CNTNAP2: variants seen among roughly 807,000 people sequenced by gnomAD.
CNTNAP2 encodes contactin associated protein 2.
CNTNAP2 carries 98 observed loss-of-function variants against 155.2 expected under a neutral mutation model. That is an observed-to-expected ratio of 0.63 (90% CI 0.54 to 0.75). CNTNAP2 has a LOEUF of 0.75. CNTNAP2 is among the 30% of genes least tolerant of loss of function. The pLI is 0.00. For synonymous variants in CNTNAP2, 651 were observed against 631.2 expected, an observed-to-expected ratio of 1.03 and a Z score of -0.47; for missense variants, 1,727 against 1,688.1, an observed-to-expected ratio of 1.02 and a Z score of -0.40.
At chr7:146,609,288 C>A (rs537142382) in intron 1 of CNTNAP2, among the ~76,000 whole-genome samples, 1 of 152,270 alleles carries the variant, frequency 6.6e-6, no homozygotes, top group Non-Finnish European at 1.5e-5. Context: ...TTTGCACCCA[C>A]CCCATAGCTG....
At chr7:148,078,576 G>A (rs1370605451) in intron 15 of CNTNAP2, among the ~76,000 whole-genome samples, 1 of 152,022 alleles carries the variant, frequency 6.6e-6, no homozygotes, top group East Asian at 1.9e-4. Flanking sequence ...CACCTCCCAG[G>A]TTCAAACGAT....
chr7:147,921,370 G>C (rs1015219386), intron 14 of CNTNAP2, among the ~76,000 whole-genome samples: 1 of 152,084 alleles, frequency 6.6e-6, no homozygotes, highest in Non-Finnish European at 1.5e-5. Flanking sequence ...TTTATAGCTA[G>C]GACAGTGCCT....
intron 10 of CNTNAP2, among the ~76,000 whole-genome samples, chr7:147,451,608 G>T (rs1363559736): frequency 6.6e-6 from 1 of 152,014 alleles, no homozygotes; most frequent in Non-Finnish European, 1.5e-5. Flanking sequence ...CTGGACCCAG[G>T]ATTGAAACCT....
chr7:147,597,835 A>G (rs970090378), intron 12 of CNTNAP2, among the ~76,000 whole-genome samples: 1 of 152,192 alleles, frequency 6.6e-6, no homozygotes, highest in Non-Finnish European at 1.5e-5. Context: ...ATCCAATCAT[A>G]TGATCATTTG....
chr7:146,999,031 G>A (rs1206671486), intron 3 of CNTNAP2, among the ~76,000 whole-genome samples: 3 of 151,440 alleles, frequency 2.0e-5, no homozygotes, highest in South Asian at 4.2e-4. Context: ...TTTGTTACTT[G>A]TTTTCTAGTT....
chr7:147,955,238 T>C (rs912798090), intron 14 of CNTNAP2, among the ~76,000 whole-genome samples: 1 of 152,234 alleles, frequency 6.6e-6, no homozygotes, highest in African/African-American at 2.4e-5. Context: ...CTTTTATTTT[T>C]ATGAGTTTTA....
chr7:147,183,634 A>T (rs75345402), intron 8 of CNTNAP2, among the ~76,000 whole-genome samples: 1 of 152,198 alleles, frequency 6.6e-6, no homozygotes, highest in Non-Finnish European at 1.5e-5. Flanking sequence ...GTGTGAAAGC[A>T]CTAATCCCCT....
intron 1 of CNTNAP2, among the ~76,000 whole-genome samples, chr7:146,679,850 C>T (rs1328210141): frequency 6.6e-6 from 1 of 152,072 alleles, no homozygotes; most frequent in East Asian, 1.9e-4. Flanking sequence ...AATCTTTATA[C>T]TTATTTATAT....
At chr7:147,038,777 C>T (rs866547953) in intron 3 of CNTNAP2, among the ~76,000 whole-genome samples, 2 of 152,172 alleles carry the variant, frequency 1.3e-5, no homozygotes, top group Non-Finnish European at 2.9e-5. Flanking sequence ...TGGTCTTCTA[C>T]TATCTTCTTG....
At chr7:146,725,846 C>T (rs902480037) in intron 1 of CNTNAP2, among the ~76,000 whole-genome samples, 29 of 152,248 alleles carry the variant, frequency 1.9e-4, no homozygotes, top group African/African-American at 5.8e-4. Context: ...CTTTCTTCCA[C>T]CAAATTATCC....
intron 1 of CNTNAP2, among the ~76,000 whole-genome samples, chr7:146,676,178 TATAC>T (rs1373330901): frequency 6.6e-6 from 1 of 152,212 alleles, no homozygotes; most frequent in Non-Finnish European, 1.5e-5. Context: ...TTGTTTATGA[TATAC>T]ATGTTTTTCA....
rs114902931 is a variant in CNTNAP2, at chr7:146,379,394, C to T, written c.97+262421C>T. The stretch of plus-strand genomic sequence containing the variant: ...CATTCTCACCCTAAAGGTGCATCTG[C>T]GGTCAAATTCCAATTCCAGAGATAA... On this transcript the variant is annotated intron_variant, in intron 1 of 23. Coordinates refer to ENST00000361727, the MANE Select transcript of CNTNAP2 (RefSeq NM_014141.6). 6.9e-3 allele frequency among the ~76,000 whole-genome samples: 1,057 copies of T among 152,216 alleles called. 10 individuals carry two copies. Among genetic ancestry groups the T allele is most frequent in the African/African-American group, 0.024 (977 of 41,524 alleles).
At chr7:146,749,484 GT>G (rs1209544146) in intron 1 of CNTNAP2, among the ~76,000 whole-genome samples, 1 of 151,980 alleles carries the variant, frequency 6.6e-6, no homozygotes, top group Non-Finnish European at 1.5e-5. Context: ...TTATCTTTTT[GT>G]TAATCATCAG....
chr7:146,781,178 A>G (rs1014596261), intron 2 of CNTNAP2, among the ~76,000 whole-genome samples: 4 of 151,122 alleles, frequency 2.6e-5, no homozygotes, highest in African/African-American at 9.7e-5. Flanking sequence ...CACTGAGCCC[A>G]GATCGCGCCA....
intron 8 of CNTNAP2, among the ~76,000 whole-genome samples, chr7:147,263,454 T>G (rs1373399556): frequency 6.6e-6 from 1 of 152,172 alleles, no homozygotes; most frequent in East Asian, 1.9e-4. Context: ...TATTTTAAAT[T>G]TAAAAAGTTA....
At chr7:147,396,060 C>T (rs1194044069) in intron 10 of CNTNAP2, among the ~76,000 whole-genome samples, 1 of 146,058 alleles carries the variant, frequency 6.8e-6, no homozygotes, top group Non-Finnish European at 1.5e-5. Flanking sequence ...TGAGATATAT[C>T]ATATATAACA....
chr7:148,244,259 C>T (rs913845102), intron 20 of CNTNAP2, among the ~76,000 whole-genome samples: 2 of 152,174 alleles, frequency 1.3e-5, no homozygotes, highest in African/African-American at 4.8e-5. Flanking sequence ...TATGTTGGCA[C>T]AGAGACAAGC....
intron 13 of CNTNAP2, among the ~76,000 whole-genome samples, chr7:147,691,810 C>T (rs968409001): frequency 2.0e-5 from 3 of 152,140 alleles, no homozygotes; most frequent in Middle Eastern, 3.2e-3. Context: ...CTACTATCAA[C>T]ATCCCACACC....
chr7:146,683,021 A>G (rs1415584810), intron 1 of CNTNAP2, among the ~76,000 whole-genome samples: 1 of 151,942 alleles, frequency 6.6e-6, no homozygotes, highest in Non-Finnish European at 1.5e-5. Context: ...TACATATATA[A>G]CATTGTATAT....
Sources: allele counts gnomAD v4.1 joint callset (sites outside exome capture counted in the v4.1 genomes callset), GRCh38; gene constraint gnomAD v4.1.1; transcripts MANE v1.5; gene names NCBI Gene and HGNC (gene_info 2026-07-23, HGNC 2026-07-21).